CROCC2: variants seen among roughly 807,000 people sequenced by gnomAD.
The protein encoded by CROCC2 is ciliary rootlet coiled-coil protein 2.
Under a neutral mutation model 177.6 loss-of-function variants are expected in CROCC2, and 163 were observed. The observed-to-expected ratio is 0.92, with a 90% CI of 0.81 to 1.05. The LOEUF (loss-of-function observed/expected upper bound fraction) is 1.05, where lower values mean the gene tolerates loss of function less well. Among genes scored for constraint, CROCC2 ranks in the 50% least tolerant of loss-of-function variants. CROCC2 has a pLI of 0.00. For synonymous variants in CROCC2, 904 were observed against 787.3 expected (o/e 1.15, Z -2.48); for missense variants, 1,929 against 1,797.8 (o/e 1.07, Z -1.32).
At chr2:240,975,653 A>G (rs1306318029) in intron 27 of CROCC2, among the ~76,000 whole-genome samples, 3 of 149,580 alleles carry the variant, frequency 2.0e-5, no homozygotes, top group Admixed American at 6.7e-5. Context: ...CCAGCCTTCC[A>G]TGCAAGCCCT....
intron 27 of CROCC2, among the ~76,000 whole-genome samples, chr2:240,976,157 G>C (rs1027248137): frequency 6.6e-6 from 1 of 151,930 alleles, no homozygotes; most frequent in Non-Finnish European, 1.5e-5. Context: ...TCAGTCTCTG[G>C]GGTAGGAGCC....
rs1219828300 is a variant in CROCC2 at position 240,925,758 on chromosome 2, C to T, written c.523C>T (p.Arg175Trp). ...TGLCQVNALLREQLEHMKKAN... is the reference protein window; with the variant it reads ...TGLCQVNALLWEQLEHMKKAN... ...CCTCTGTCAGGTGAACGCGCTCCTG[C>T]GGGAGCAGCTGGAACATATGAAGAA... is the stretch of plus-strand genomic sequence containing the variant. The change falls in exon 5 of 32, where the codon CGG becomes TGG. Residue 175 changes from arginine to tryptophan, a missense_variant. This residue lies in a region of CROCC2 where 1,397 missense variants were observed against 1,239.9 expected (regional missense o/e 1.13). Transcript: ENST00000690015. 4.2e-6 allele frequency: 3 copies of T among 716,954 alleles called. No individual in the cohort carries two copies. The highest frequency in any genetic ancestry group is 2.7e-5 in the East Asian group (1 of 37,280). 44.4% of individuals were successfully genotyped at this position (716,954 alleles called of 1,614,324 possible).
Position 240,933,250 on chromosome 2 carries a change from G to A in CROCC2, c.1371G>A (p.Glu457=). ...AGCTCCAGCAGGAGCGGGCTCGGGA[G>A]CAGGCACGGGAACGAGAGGCTCTTC... ...AQKLQQERAR[E]QAREREALRG... The change falls in exon 10 of 32, where the codon GAG becomes GAA. Residue 457 remains glutamate (E), a synonymous_variant. Transcript: ENST00000690015. 1 of 1,549,048 alleles carries A rather than the reference G, an allele frequency of 6.5e-7. No individual in the cohort carries two copies. The highest frequency in any genetic ancestry group is 8.7e-7 in the Non-Finnish European group (1 of 1,146,656).
At chr2:240,910,673 C>T (rs939438564) in intron 1 of CROCC2, among the ~76,000 whole-genome samples, 2 of 152,150 alleles carry the variant, frequency 1.3e-5, no homozygotes, top group African/African-American at 2.4e-5. Flanking sequence ...AGCCGCGTAC[C>T]GGCTCATAGT....
chr2:240,925,553 T>C (rs1313425801), intron 4 of CROCC2, among the ~76,000 whole-genome samples, 171 bp from the exon 5 acceptor site: 1 of 152,070 alleles, frequency 6.6e-6, no homozygotes, highest in Non-Finnish European at 1.5e-5. Context: ...TAGGGGTCCT[T>C]TGTGGGGCCC....
chr2:240,933,937 C>A, intron 11 of CROCC2, 85 bp downstream of exon 11: 1 of 1,403,778 alleles, frequency 7.1e-7, no homozygotes, highest in Non-Finnish European at 9.6e-7. Flanking sequence ...CCTTGGGCCA[C>A]GGGTCTGCTT....
chr2:240,928,016 G>A (rs796459332), intron 5 of CROCC2, among the ~76,000 whole-genome samples: 6 of 152,278 alleles, frequency 3.9e-5, no homozygotes, highest in African/African-American at 1.4e-4. Context: ...TCTTTTTGTA[G>A]CCTGTGTCTG....
At chr2:240,954,164 TC>T (rs1185604927) in intron 18 of CROCC2, among the ~76,000 whole-genome samples, 4 of 151,932 alleles carry the variant, frequency 2.6e-5, no homozygotes, top group African/African-American at 9.7e-5. Flanking sequence ...CAGTGAAAAA[TC>T]CCCCACTCCT....
chr2:240,935,342 C>T lies in CROCC2; in HGVS notation c.1939-16C>T, dbSNP rs79986358. On this transcript the variant is annotated splice_polypyrimidine_tract_variant and intron_variant, in intron 13 of 31. Coordinates refer to ENST00000690015, the MANE Select transcript of CROCC2 (RefSeq NM_001351305.2). ...ATGGGGGGAGTGGATGCAGAGCCCC[C>T]GACACCTGGTGGCAGCTGGAGCAGG... 17,800 of 1,355,448 alleles carry T rather than the reference C, an allele frequency of 0.013. 1,932 individuals carry two copies. The African/African-American group carries it at 0.24, about 18-fold the overall frequency. The allele number at this position is 1,355,448 out of a possible 1,614,324, so 84.0% of individuals were successfully genotyped here.
At chr2:240,934,174 G>T (rs976231549) in intron 11 of CROCC2, among the ~76,000 whole-genome samples, 157 bp from the exon 12 acceptor site, 1 of 151,740 alleles carries the variant, frequency 6.6e-6, no homozygotes, top group Non-Finnish European at 1.5e-5. Context: ...GCCTGGAAGC[G>T]AAGGGCTCCC....
chr2:240,991,189 T>C lies in CROCC2; in HGVS notation c.4864-7T>C. ...CCACCTGACCTGAGCCACTGTCCTG[T>C]CCCCAGGTGGCCAGCCTGAAGGAGC... On this transcript the variant is annotated splice_region_variant and splice_polypyrimidine_tract_variant and intron_variant, in intron 30 of 31. Coordinates refer to ENST00000690015, the MANE Select transcript of CROCC2 (RefSeq NM_001351305.2). The C allele has an allele frequency of 1.3e-6, 2 of 1,543,374 alleles. No homozygotes were observed. The highest frequency in any genetic ancestry group is 1.7e-6 in the Non-Finnish European group (2 of 1,143,360).
At position 240,925,658 on chromosome 2, in the gene CROCC2, G is replaced by A. The variant is rs1022947836; in HGVS notation, c.489-66G>A. The A allele has an allele frequency of 7.8e-6, 5 of 639,260 alleles. No individual in the cohort carries two copies. In the East Asian group the frequency reaches 1.4e-4, roughly 17 times the overall value. The allele number at this position is 639,260 out of a possible 1,614,324, so 39.6% of individuals were successfully genotyped here. ...TTCCATTCAAGCCCCTTGACTTGGGGACTCTGAGCGCCTCTCTTAGGAGAG... is the reference window on the plus strand; with the variant it reads ...TTCCATTCAAGCCCCTTGACTTGGGAACTCTGAGCGCCTCTCTTAGGAGAG... On this transcript the variant is annotated intron_variant, in intron 4 of 31. Coordinates refer to ENST00000690015, the MANE Select transcript of CROCC2 (RefSeq NM_001351305.2).
Position 240,946,123 on chromosome 2 carries a change from C to T in CROCC2, c.2233C>T (p.Gln745Ter). 6.5e-7 allele frequency: 1 copy of T among 1,544,422 alleles called. No individual in the cohort carries two copies. The highest frequency in any genetic ancestry group is 2.5e-5 in the East Asian group (1 of 40,720). The change falls in exon 15 of 32, where the codon CAG becomes TAG. Residue 745 changes from glutamine to a stop codon, truncating the protein, a stop_gained. Transcript: ENST00000690015. LOFTEE classifies it high-confidence loss of function. ...LAQSLQDQEA[Q>*]MGTLQQALQG... ...TCAGAGCCTGCAGGACCAGGAGGCC[C>T]AGATGGGCACTCTGCAGCAAGCCCT...
chr2:240,986,022 T>C (rs1256144476), intron 28 of CROCC2: 1 of 452,218 alleles, frequency 2.2e-6, no homozygotes, highest in South Asian at 1.6e-5. Flanking sequence ...ACAGTTGGGC[T>C]CCTCCCTGAT....
chr2:240,907,355 G>T (rs1335917064), intron 1 of CROCC2, among the ~76,000 whole-genome samples: 2 of 151,998 alleles, frequency 1.3e-5, no homozygotes, highest in Non-Finnish European at 2.9e-5. Context: ...TCCCACCTCG[G>T]ATATCCCTCC....
chr2:240,968,302 G>C, intron 27 of CROCC2, 40 bp downstream of exon 27: 1 of 1,502,232 alleles, frequency 6.7e-7, no homozygotes, highest in Non-Finnish European at 8.9e-7. Context: ...TGGGGCACAA[G>C]AACAAGGCCT....
intron 3 of CROCC2, among the ~76,000 whole-genome samples, chr2:240,922,266 C>T (rs1157847011): frequency 6.6e-6 from 1 of 152,238 alleles, no homozygotes; most frequent in East Asian, 1.9e-4. Context: ...GTCCTCAAGG[C>T]CTGATGGGAT....
chr2:240,961,604 TCA>T (rs2059635590), intron 20 of CROCC2, among the ~76,000 whole-genome samples: 1 of 115,908 alleles, frequency 8.6e-6, no homozygotes, highest in African/African-American at 3.4e-5. Flanking sequence ...ACACACGCAC[TCA>T]CACATACACT....
intron 14 of CROCC2, 33 bp downstream of exon 14, chr2:240,935,621 C>T: frequency 7.3e-7 from 1 of 1,370,662 alleles, no homozygotes; most frequent in Non-Finnish European, 9.4e-7. Context: ...CTGCCGCCGT[C>T]TGGGATGCGG....
Sources: gnomAD v4.1 joint callset for allele counts (sites outside exome capture counted in the v4.1 genomes callset) on GRCh38, gnomAD v4.1.1 for gene constraint, gnomAD v4.1.1 regional missense constraint, MANE v1.5 for transcripts, NCBI Gene and HGNC (gene_info 2026-07-23, HGNC 2026-07-21) for gene names.